The following SORBS2 variants were observed in gnomAD, a reference collection of about 807,000 sequenced individuals.
The protein encoded by SORBS2 is sorbin and SH3 domain-containing protein 2.
SORBS2 carries 46 observed loss-of-function variants against 97.7 expected under a neutral mutation model. That is an observed-to-expected ratio of 0.47 (90% CI 0.37 to 0.60). SORBS2 has a LOEUF of 0.60. Among genes scored for constraint, SORBS2 ranks in the 20% least tolerant of loss-of-function variants. The pLI, the probability that SORBS2 is intolerant of heterozygous loss-of-function variation, is 0.00. For synonymous variants in SORBS2, 476 were observed against 473.4 expected (o/e 1.01, Z -0.07); for missense variants, 1,316 against 1,282.3 (o/e 1.03, Z -0.40).
At chr4:185,838,854 G>A (rs1411371107) in intron 1 of SORBS2, among the ~76,000 whole-genome samples, 1 of 152,150 alleles carries the variant, frequency 6.6e-6, no homozygotes, top group Non-Finnish European at 1.5e-5. Context: ...TCTGATAGCA[G>A]CCAAGAGGGT....
intron 4 of SORBS2, among the ~76,000 whole-genome samples, chr4:185,663,936 G>T (rs2097559761): frequency 7.2e-6 from 1 of 138,134 alleles, no homozygotes; most frequent in South Asian, 2.3e-4. Flanking sequence ...CTCACTGCAA[G>T]CTCCGCCTCC....
At chr4:185,781,127 G>A (rs893210129) in intron 1 of SORBS2, among the ~76,000 whole-genome samples, 4 of 151,984 alleles carry the variant, frequency 2.6e-5, no homozygotes, top group Non-Finnish European at 4.4e-5. Context: ...TAGTAGAGAC[G>A]GGTTTCACCA....
chr4:185,832,695 AAG>A (rs1301258388), intron 1 of SORBS2, among the ~76,000 whole-genome samples: 1 of 152,184 alleles, frequency 6.6e-6, no homozygotes, highest in Non-Finnish European at 1.5e-5. Context: ...CTTTTTTCTG[AAG>A]ATTTATTTAA....
rs150155158 is a variant in SORBS2, at chr4:185,813,002, T to C, written c.-337-37636A>G. 80 of 152,302 alleles carry C rather than the reference T, an allele frequency of 5.3e-4. No homozygotes were observed. The East Asian group carries it at 0.015, about 29-fold the overall frequency. 9.4% of individuals were successfully genotyped at this position (152,302 alleles called of 1,614,324 possible). On this transcript the variant is annotated intron_variant, in intron 1 of 20. Transcript: ENST00000284776. ...AGTAAAATGGATCACATTCCACCCG[T>C]CCATAACATTTCACCTCCTCTGGGA...
In SORBS2 at chr4:185,613,332, C is replaced by T. The variant is rs958802600; in HGVS notation, c.2596-1352G>A. Among the ~76,000 whole-genome samples, 15 of 152,192 alleles carry T rather than the reference C, an allele frequency of 9.9e-5. 1 individual carries two copies. The highest frequency in any genetic ancestry group is 4.2e-4 in the South Asian group (2 of 4,804). ...TGGTTGATTTTGTGTGCTTCACCACCGCTGAGCAGAACATACTCAAGAAAA... is the reference window on the plus strand; with the variant it reads ...TGGTTGATTTTGTGTGCTTCACCACTGCTGAGCAGAACATACTCAAGAAAA... On this transcript the variant is annotated intron_variant, in intron 11 of 14. Coordinates refer to ENST00000418609, the Ensembl canonical transcript of SORBS2.
rs941117293 is a variant in SORBS2, at chr4:185,604,638, C to A, written c.2796+7142G>T. Among the ~76,000 whole-genome samples the A allele has an allele frequency of 5.3e-5, 8 of 152,140 alleles. No homozygotes were observed. The East Asian group carries it at 1.3e-3, about 26-fold the overall frequency. On this transcript the variant is annotated intron_variant, in intron 12 of 14. Coordinates refer to ENST00000418609, the Ensembl canonical transcript of SORBS2. ...TCCAACATTTTAAAGTTACTAATAA[C>A]CTTGGGAAGTTATATTTATGACAAA...
chr4:185,858,425 T>C (rs1222281370), intron 1 of SORBS2, among the ~76,000 whole-genome samples: 1 of 152,230 alleles, frequency 6.6e-6, no homozygotes, highest in Non-Finnish European at 1.5e-5. Context: ...GAAAACAAAC[T>C]AAGATAACCA....
rs1394167253 is a variant in SORBS2, at chr4:185,606,982, T to A, written c.2796+4798A>T. ...GCTTTGAGTTGTCGTTCTGGGATCC[T>A]GAAGAGGCTCTGCATGGTAAGGCTG... On this transcript the variant is annotated intron_variant, in intron 12 of 14. Transcript: ENST00000418609. This position sits in a 1 kb window ranked among gnomAD's most constrained non-coding sequence, Gnocchi z 4.3. 1 of 995,896 alleles carries A rather than the reference T, an allele frequency of 1.0e-6. No individual in the cohort carries two copies. Among genetic ancestry groups the A allele is most frequent in the African/African-American group, 1.7e-5 (1 of 57,292 alleles). 61.7% of individuals were successfully genotyped at this position (995,896 alleles called of 1,614,324 possible).
At chr4:185,797,815 G>A (rs1365337536) in intron 1 of SORBS2, among the ~76,000 whole-genome samples, 1 of 152,088 alleles carries the variant, frequency 6.6e-6, no homozygotes, top group African/African-American at 2.4e-5. Context: ...CTACATTCCA[G>A]ACGCACCATC....
chr4:185,751,172 T>TAAAAAAAAAAAAAAAAAAAAAAAAAAA lies in SORBS2; in HGVS notation c.-198+24054_-198+24055insTTTTTTTTTTTTTTTTTTTTTTTTTTT, dbSNP rs71593649. Among the ~76,000 whole-genome samples the TAAAAAAAAAAAAAAAAAAAAAAAAAAA allele has an allele frequency of 2.1e-3, 65 of 31,706 alleles. 5 individuals are homozygous for TAAAAAAAAAAAAAAAAAAAAAAAAAAA. The highest frequency in any genetic ancestry group is 6.8e-3 in the South Asian group (4 of 586). The allele number at this position is 31,706 out of a possible 152,430, so 20.8% of individuals were successfully genotyped here. A position where few individuals can be genotyped will look rare whatever the true frequency, so the allele number is the denominator to read the frequency against. On this transcript the variant is annotated intron_variant, in intron 2 of 20. Coordinates refer to the SORBS2 transcript ENST00000284776. ...AAGGAATGCTCTTAGCTCTAAATAC[T>TAAAAAAAAAAAAAAAAAAAAAAAAAAA]AAAAAAAAAAAAAAAAAAAGAGAAA...
chr4:185,913,092 AC>A (rs2099256219), intron 1 of SORBS2, among the ~76,000 whole-genome samples: 1 of 152,200 alleles, frequency 6.6e-6, no homozygotes, highest in Non-Finnish European at 1.5e-5. Context: ...TTCCATCTGA[AC>A]GGCAGTTCAA....
Position 185,934,781 on chromosome 4 carries a change from C to CA in SORBS2, c.-338+21414dup, listed in dbSNP as rs397996572. Among the ~76,000 whole-genome samples the CA allele has an allele frequency of 9.6e-3, 970 of 100,738 alleles. 6 individuals carry two copies. Among genetic ancestry groups the CA allele is most frequent in the Admixed American group, 0.014 (125 of 9,234 alleles). The allele number at this position is 100,738 out of a possible 152,430, so 66.1% of individuals were successfully genotyped here. On this transcript the variant is annotated intron_variant, in intron 1 of 20. Coordinates refer to the SORBS2 transcript ENST00000284776. ...CCTGGGCAACAGTGAGACTCCATCT[C>CA]AAAAAAAAAAAAAAAATGAGAGAGA...
chr4:185,827,095 A>T (rs1447412128), intron 1 of SORBS2, among the ~76,000 whole-genome samples: 3 of 151,166 alleles, frequency 2.0e-5, no homozygotes, highest in African/African-American at 7.3e-5. Flanking sequence ...CATCACCATC[A>T]TCATCACCAT....
chr4:185,799,940 A>G (rs4862574), intron 1 of SORBS2, among the ~76,000 whole-genome samples: 36,070 of 152,114 alleles, frequency 0.24, 4,449 homozygotes, highest in Middle Eastern at 0.3. Flanking sequence ...GCTCACTCCT[A>G]TAATCCCATC....
At chr4:185,630,659 G>T in intron 4 of SORBS2, 61 bp from the exon 17 acceptor site, 1 of 897,926 alleles carries the variant, frequency 1.1e-6, no homozygotes, top group Non-Finnish European at 1.8e-6. Flanking sequence ...TTGTTCACTT[G>T]TCAACATTAA....
chr4:185,765,477 A>T (rs77339690), intron 2 of SORBS2, among the ~76,000 whole-genome samples: 4,265 of 152,278 alleles, frequency 0.028, 193 homozygotes, highest in African/African-American at 0.097. Flanking sequence ...AACGTTTTTT[A>T]ATTTTGATAT....
intron 1 of SORBS2, among the ~76,000 whole-genome samples, chr4:185,884,712 A>C (rs2099238513): frequency 2.0e-5 from 3 of 152,178 alleles, no homozygotes; most frequent in Admixed American, 2.0e-4. Flanking sequence ...ATGATCTCTC[A>C]ACTGCCTTTA....
chr4:185,820,822 A>G (rs970328404), intron 1 of SORBS2, among the ~76,000 whole-genome samples: 5 of 152,164 alleles, frequency 3.3e-5, no homozygotes, highest in African/African-American at 9.7e-5. Flanking sequence ...GACGGCAGAG[A>G]TCATTTCTGT....
intron 1 of SORBS2, among the ~76,000 whole-genome samples, chr4:185,835,652 ATTTTTTTTTTT>A (rs5864964): frequency 8.2e-6 from 1 of 122,232 alleles, no homozygotes; most frequent in Non-Finnish European, 1.7e-5. Context: ...TTTTGAAAGG[ATTTTTTTTTTT>A]TTTTTTTTTT....
Sources: allele counts gnomAD v4.1 joint callset (sites outside exome capture counted in the v4.1 genomes callset), GRCh38; gene constraint gnomAD v4.1.1; non-coding constraint Gnocchi (gnomAD v3.1); transcripts MANE v1.5; gene names NCBI Gene and HGNC (gene_info 2026-07-23, HGNC 2026-07-21).